ITPR1: variants seen among roughly 807,000 people sequenced by gnomAD.
The protein encoded by ITPR1 is inositol 1,4,5-trisphosphate receptor type 1, also known as inositol 1,4,5-trisphosphate-gated calcium channel ITPR1.
ITPR1 carries 96 observed loss-of-function variants against 318.4 expected under a neutral mutation model. The ratio of observed to expected loss-of-function variants is 0.30; its 90% CI spans 0.26 to 0.36. The LOEUF is 0.36. Ranked by LOEUF, ITPR1 falls within the 10% of genes least tolerant of loss-of-function variation. The pLI is 1.00. For missense variants in ITPR1, 2,440 were observed against 3,460.2 expected, an observed-to-expected ratio of 0.71 and a Z score of 7.40; for synonymous variants, 1,312 against 1,289.9, an observed-to-expected ratio of 1.02 and a Z score of -0.37.
intron 60 of ITPR1, among the ~76,000 whole-genome samples, chr3:4,829,979 T>TC (rs2050361173): frequency 3.3e-5 from 2 of 60,948 alleles, no homozygotes; most frequent in Non-Finnish European, 7.0e-5. Context: ...TTTTTTTTTT[T>TC]GTGTGTGTGT....
At chr3:4,791,501 G>A (rs531065620) in intron 52 of ITPR1, among the ~76,000 whole-genome samples, 1 of 152,272 alleles carries the variant, frequency 6.6e-6, no homozygotes, top group African/African-American at 2.4e-5. Flanking sequence ...TGTGACAGAG[G>A]CAGAGCTTAG....
intron 13 of ITPR1, among the ~76,000 whole-genome samples, chr3:4,659,457 G>T (rs995778873): frequency 1.3e-5 from 2 of 152,148 alleles, no homozygotes; most frequent in Non-Finnish European, 2.9e-5. Flanking sequence ...GAAGCAGACA[G>T]ATCACTTGAT....
In ITPR1 at chr3:4,534,382, TC is replaced by T. The variant is rs142534964; in HGVS notation, c.163+13292del. On this transcript the variant is annotated intron_variant, in intron 4 of 61. Coordinates refer to ENST00000649015, the MANE Select transcript of ITPR1 (RefSeq NM_001378452.1). ...TTATTGGCCAAGGTGGAGGCATCTC[TC>T]CCCAAGGTGAGTGGTCAGCCTGGCT... is the stretch of plus-strand genomic sequence containing the variant. 1.1e-3 allele frequency among the ~76,000 whole-genome samples: 175 copies of T among 152,266 alleles called. 2 individuals carry two copies. In the East Asian group the frequency reaches 0.028, roughly 25 times the overall value.
chr3:4,703,035 A>C, intron 36 of ITPR1, 85 bp downstream of exon 36: 1 of 1,449,228 alleles, frequency 6.9e-7, no homozygotes, highest in Admixed American at 1.9e-5. Context: ...AGCACTCATT[A>C]CAACTCTTCT....
chr3:4,676,725 A>G lies in ITPR1; in HGVS notation c.2891A>G (p.Asn964Ser), dbSNP rs563276826. The change falls in exon 24 of 62, where the codon AAT (asparagine) becomes AGT (serine). Residue 964 changes from asparagine (N) to serine (S), a missense_variant. By Grantham distance (46) the Asn-to-Ser change is conservative. Around this residue, in one of 23 missense-constraint regions of ITPR1, gnomAD observed 478 missense variants for 696.3 expected, o/e 0.69. Coordinates refer to ENST00000649015, the MANE Select transcript of ITPR1 (RefSeq NM_001378452.1). ...MTPMAAAPEGNVKQAEPEKED... is the reference protein window; with the variant it reads ...MTPMAAAPEGSVKQAEPEKED... ...CCCATGGCTGCTGCCCCTGAAGGCA[A>G]TGTGAAGCAGGCAGAGCCTGAGAAG... 7 of 1,613,780 alleles carry G rather than the reference A, an allele frequency of 4.3e-6. No homozygotes were observed. The Admixed American group carries it at 1.0e-4, about 23-fold the overall frequency.
chr3:4,544,343 C>T (rs988234753), intron 4 of ITPR1, among the ~76,000 whole-genome samples: 4 of 152,144 alleles, frequency 2.6e-5, no homozygotes, highest in Admixed American at 6.5e-5. Context: ...CAGCTTTTGT[C>T]GACAGTACAG....
intron 4 of ITPR1, among the ~76,000 whole-genome samples, chr3:4,572,153 T>C (rs1490454375): frequency 6.6e-6 from 1 of 152,222 alleles, no homozygotes; most frequent in Admixed American, 6.5e-5. Context: ...TTGATGCTGA[T>C]GACTCATAAG....
chr3:4,721,552 G>A (rs1460269182), intron 40 of ITPR1, among the ~76,000 whole-genome samples: 1 of 70,714 alleles, frequency 1.4e-5, no homozygotes, highest in Admixed American at 1.6e-4. Context: ...TTGCAAGCCT[G>A]TTCACTGTTG....
At chr3:4,768,911 C>CTTTTTTTTTTTTTTTTTTTT (rs201819900) in intron 46 of ITPR1, 147 bp downstream of exon 46, 1 of 675,658 alleles carries the variant, frequency 1.5e-6, no homozygotes, top group Non-Finnish European at 2.3e-6. Flanking sequence ...TTTCTTTTTT[C>CTTTTTTTTTTTTTTTTTTTT]TTTTTTCTTT....
intron 49 of ITPR1, among the ~76,000 whole-genome samples, chr3:4,781,575 G>A (rs1186483434): frequency 2.0e-5 from 3 of 152,190 alleles, no homozygotes; most frequent in Non-Finnish European, 4.4e-5. Context: ...TCCTCCGGGA[G>A]CCGAGTCGTG....
At chr3:4,807,266 A>T (rs1049317995) in intron 55 of ITPR1, among the ~76,000 whole-genome samples, 7 of 152,212 alleles carry the variant, frequency 4.6e-5, no homozygotes, top group Admixed American at 2.6e-4. Flanking sequence ...GCATCCAGCC[A>T]CGATCTAGTT....
chr3:4,621,499 A>G (rs2092632503), intron 4 of ITPR1, among the ~76,000 whole-genome samples: 1 of 152,188 alleles, frequency 6.6e-6, no homozygotes, highest in South Asian at 2.1e-4. Context: ...TTACAATTCA[A>G]CACGAGATTT....
At chr3:4,651,977 C>T (rs1317209328) in intron 10 of ITPR1, 146 bp from the exon 11 acceptor site, 3 of 672,510 alleles carry the variant, frequency 4.5e-6, no homozygotes, top group East Asian at 2.8e-5. Context: ...CTACACGTGA[C>T]ACTGGCAATG....
chr3:4,625,265 G>A (rs2092787055), intron 4 of ITPR1, among the ~76,000 whole-genome samples: 1 of 149,368 alleles, frequency 6.7e-6, no homozygotes, highest in African/African-American at 2.5e-5. Flanking sequence ...TGTGTATGCA[G>A]TACATAGTAA....
chr3:4,727,207 A>C (rs1297379598), intron 42 of ITPR1, 34 bp downstream of exon 42: 4 of 1,515,618 alleles, frequency 2.6e-6, no homozygotes, highest in Non-Finnish European at 3.6e-6. Context: ...ATCGGGAGCT[A>C]ATGATCAATG....
chr3:4,771,134 G>T (rs1209439102), intron 46 of ITPR1, among the ~76,000 whole-genome samples: 3 of 152,194 alleles, frequency 2.0e-5, no homozygotes, highest in African/African-American at 4.8e-5. Context: ...AGGCATGTGT[G>T]TGTCATTTAA....
chr3:4,611,142 C>A, intron 4 of ITPR1, among the ~76,000 whole-genome samples: 1 of 142,934 alleles, frequency 7.0e-6, no homozygotes, highest in Non-Finnish European at 1.5e-5. Context: ...CGCCTGTTAT[C>A]TCAGCACTTT....
intron 5 of ITPR1, among the ~76,000 whole-genome samples, chr3:4,633,715 T>C (rs2093089651): frequency 6.6e-6 from 1 of 152,264 alleles, no homozygotes; most frequent in Admixed American, 6.5e-5. Context: ...AAATTTCTTC[T>C]AAAGGCCATT....
chr3:4,628,288 G>A (rs1301887385), intron 5 of ITPR1, among the ~76,000 whole-genome samples: 2 of 152,162 alleles, frequency 1.3e-5, no homozygotes, highest in African/African-American at 4.8e-5. Context: ...GTCATTGTGA[G>A]GATTACAGAA....
Sources: allele counts gnomAD v4.1 joint callset (sites outside exome capture counted in the v4.1 genomes callset), GRCh38; gene constraint gnomAD v4.1.1; regional missense constraint gnomAD v4.1.1; transcripts MANE v1.5; gene names NCBI Gene and HGNC (gene_info 2026-07-23, HGNC 2026-07-21).